The following EFCC1 variants were observed in gnomAD, a reference collection of about 807,000 sequenced individuals.
EFCC1 encodes the protein EF-hand and coiled-coil domain containing 1.
Under a neutral mutation model 52.1 loss-of-function variants are expected in EFCC1, and 50 were observed. The ratio of observed to expected loss-of-function variants is 0.96; its 90% CI spans 0.76 to 1.21. The LOEUF (loss-of-function observed/expected upper bound fraction) is 1.21, where lower values mean the gene tolerates loss of function less well. EFCC1 is among the 50% of genes most tolerant of loss of function. EFCC1 has a pLI of 0.00. For missense variants in EFCC1, 837 were observed against 867.3 expected (o/e 0.97, Z 0.44); for synonymous variants, 399 against 396.5 (o/e 1.01, Z -0.08).
intron 2 of EFCC1, among the ~76,000 whole-genome samples, chr3:129,015,958 G>A (rs1945564021): frequency 6.6e-6 from 1 of 152,218 alleles, no homozygotes; most frequent in African/African-American, 2.4e-5. Flanking sequence ...ATGGCCCAAA[G>A]TAGCCTGGCT....
rs569885346 is a variant in EFCC1, at chr3:129,001,590, C to T, written c.-39C>T. 28 of 1,352,388 alleles carry T rather than the reference C, an allele frequency of 2.1e-5. No individual in the cohort carries two copies. In the South Asian group the frequency reaches 5.2e-4, roughly 25 times the overall value. The allele number at this position is 1,352,388 out of a possible 1,614,324, so 83.8% of individuals were successfully genotyped here. Reference sequence around the variant, plus strand: ...CCTGGAAGTGGCGGGGCGAAGGGACCGGAGGAGGGACCGGAGGAGCGAGGC... The same window carrying T: ...CCTGGAAGTGGCGGGGCGAAGGGACTGGAGGAGGGACCGGAGGAGCGAGGC... On this transcript the variant is annotated 5_prime_UTR_variant, in exon 1 of 8. Coordinates refer to ENST00000683648, the MANE Select transcript of EFCC1 (RefSeq NM_001377500.1).
At chr3:129,011,287 A>G (rs1385123217) in intron 2 of EFCC1, among the ~76,000 whole-genome samples, 1 of 152,222 alleles carries the variant, frequency 6.6e-6, no homozygotes, top group Admixed American at 6.5e-5. Flanking sequence ...GTGGTGGCTC[A>G]CGCCTGTAAT....
chr3:129,003,838 C>T lies in EFCC1; in HGVS notation c.741C>T (p.His247=), dbSNP rs1047735281. The T allele has an allele frequency of 3.1e-5, 46 of 1,460,640 alleles. No individual in the cohort carries two copies. The highest frequency in any genetic ancestry group is 4.0e-5 in the Non-Finnish European group (44 of 1,110,468). The allele number at this position is 1,460,640 out of a possible 1,614,324, so 90.5% of individuals were successfully genotyped here. Residue 247 remains histidine, a synonymous_variant, in exon 2 of 8, where the codon CAC becomes CAT. Coordinates refer to ENST00000683648, the MANE Select transcript of EFCC1 (RefSeq NM_001377500.1). ...KSQASTHEMG[H]GGPEAAVREL... ...AGGCGAGCACCCACGAGATGGGGCACGGCGGGCCGGAGGCTGCGGTGCGGG... is the reference window on the plus strand; with the variant it reads ...AGGCGAGCACCCACGAGATGGGGCATGGCGGGCCGGAGGCTGCGGTGCGGG...
intron 2 of EFCC1, among the ~76,000 whole-genome samples, chr3:129,022,155 C>T (rs1331113708): frequency 1.3e-5 from 2 of 152,188 alleles, no homozygotes; most frequent in African/African-American, 4.8e-5. Context: ...GTATTATTTT[C>T]AAATATTACC....
At chr3:129,037,210 C>G in intron 6 of EFCC1, 93 bp downstream of exon 6, 1 of 1,430,638 alleles carries the variant, frequency 7.0e-7, no homozygotes, top group South Asian at 1.5e-5. Context: ...TCTAGGCTCT[C>G]CTTACAGTAG....
chr3:129,013,373 C>A (rs867413118), intron 2 of EFCC1, among the ~76,000 whole-genome samples: 1 of 152,128 alleles, frequency 6.6e-6, no homozygotes. Flanking sequence ...AAAGTAGGAA[C>A]GGCACTTATT....
intron 2 of EFCC1, among the ~76,000 whole-genome samples, chr3:129,029,901 T>TAGA (rs993291041): frequency 7.5e-5 from 11 of 146,220 alleles, no homozygotes; most frequent in Non-Finnish European, 1.3e-4. Flanking sequence ...AAAAAAAAAG[T>TAGA]AGGCTAGGTG....
chr3:129,023,559 C>T (rs954495319), intron 2 of EFCC1, among the ~76,000 whole-genome samples: 13 of 152,154 alleles, frequency 8.5e-5, no homozygotes, highest in African/African-American at 2.9e-4. Flanking sequence ...GTCTCGACCT[C>T]CTGACCTCAT....
intron 4 of EFCC1, among the ~76,000 whole-genome samples, chr3:129,033,202 C>A (rs1946307715): frequency 6.6e-6 from 1 of 152,210 alleles, no homozygotes; most frequent in South Asian, 2.1e-4. Context: ...TTCGTGCTTT[C>A]TCACCAGCAC....
chr3:129,002,582 T>G (rs1944844711), intron 1 of EFCC1: 1 of 592,684 alleles, frequency 1.7e-6, no homozygotes, highest in Non-Finnish European at 2.6e-6. Context: ...ACCCCACTTT[T>G]CTGCTCCACC....
At chr3:129,021,261 A>T (rs1945829723) in intron 2 of EFCC1, among the ~76,000 whole-genome samples, 2 of 152,194 alleles carry the variant, frequency 1.3e-5, no homozygotes, top group South Asian at 4.1e-4. Flanking sequence ...TCTTATATAT[A>T]AACACAGGGT....
chr3:129,029,060 C>T lies in EFCC1; in HGVS notation c.981-1643C>T, dbSNP rs1946211370. ...GTATTCCAGTCCAGCCCTGCCACAG[C>T]CCCGCATCAGTGGCTCTGCCTGCGA... On this transcript the variant is annotated intron_variant, in intron 2 of 7. Coordinates refer to ENST00000683648, the MANE Select transcript of EFCC1 (RefSeq NM_001377500.1). Among the ~76,000 whole-genome samples, 2 of 152,196 alleles carry T rather than the reference C, an allele frequency of 1.3e-5. 1 individual carries two copies. The highest frequency in any genetic ancestry group is 4.1e-4 in the South Asian group (2 of 4,836).
intron 2 of EFCC1, among the ~76,000 whole-genome samples, chr3:129,006,218 C>CT (rs1159676256): frequency 1.3e-5 from 2 of 152,258 alleles, no homozygotes; most frequent in African/African-American, 4.8e-5. Context: ...ACGATGGCTG[C>CT]TGTGCCTCCA....
chr3:129,029,899 AG>A (rs1227360273), intron 2 of EFCC1, among the ~76,000 whole-genome samples: 1 of 151,674 alleles, frequency 6.6e-6, no homozygotes, highest in Non-Finnish European at 1.5e-5. Context: ...AAAAAAAAAA[AG>A]TAGGCTAGGT....
At chr3:129,039,199 T>C (rs1022043139) in intron 7 of EFCC1, among the ~76,000 whole-genome samples, 1 of 152,122 alleles carries the variant, frequency 6.6e-6, no homozygotes, top group Non-Finnish European at 1.5e-5. Flanking sequence ...ACAATGGCCC[T>C]AGAAGGAATG....
rs1162371971 is a variant in EFCC1 at position 129,002,273 on chromosome 3, G to A, written c.645G>A (p.Glu215=). 3.3e-6 allele frequency: 5 copies of A among 1,530,534 alleles called. No homozygotes were observed. The South Asian group carries it at 6.0e-5, about 18-fold the overall frequency. 94.8% of individuals were successfully genotyped at this position (1,530,534 alleles called of 1,614,324 possible). The change falls in exon 1 of 8, where the codon GAG becomes GAA. Residue 215 remains glutamate (E), a synonymous_variant. Coordinates refer to ENST00000683648, the MANE Select transcript of EFCC1 (RefSeq NM_001377500.1). ...EENSSLRELV[E]DLRAALQSSD... ...ATAGCAGCTTGCGCGAGTTGGTGGA[G>A]GACCTGCGCGCCGCGCTGCAGAGCA...
chr3:129,004,113 C>T, intron 2 of EFCC1, 36 bp downstream of exon 2: 1 of 1,456,032 alleles, frequency 6.9e-7, no homozygotes, highest in Non-Finnish European at 9.0e-7. Context: ...CCAAGTTCCC[C>T]AATTCGGCTC....
intron 5 of EFCC1, among the ~76,000 whole-genome samples, chr3:129,034,536 A>C (rs1946332902): frequency 6.6e-6 from 1 of 152,236 alleles, no homozygotes; most frequent in Admixed American, 6.5e-5. Context: ...GCTTGATTGC[A>C]AAACAGATAT....
intron 2 of EFCC1, among the ~76,000 whole-genome samples, chr3:129,027,756 G>A (rs1345172501): frequency 1.3e-5 from 2 of 152,070 alleles, no homozygotes; most frequent in African/African-American, 2.4e-5. Context: ...AAGAGTTCGA[G>A]ACCAGCCTGG....
Sources: gnomAD v4.1 joint callset for allele counts (sites outside exome capture counted in the v4.1 genomes callset) on GRCh38, gnomAD v4.1.1 for gene constraint, MANE v1.5 for transcripts, NCBI Gene and HGNC (gene_info 2026-07-23, HGNC 2026-07-21) for gene names.